Variants in RAD51B observed in about 807,000 individuals in gnomAD.
The protein encoded by RAD51B is RAD51 paralog B.
Under a neutral mutation model 42.2 loss-of-function variants are expected in RAD51B, and 38 were observed. The observed-to-expected ratio is 0.90, with a 90% CI of 0.70 to 1.18. The LOEUF is 1.18. RAD51B is among the 50% of genes most tolerant of loss of function. The pLI is 0.00. For missense variants in RAD51B, 373 were observed against 400.7 expected, an observed-to-expected ratio of 0.93 and a Z score of 0.59; for synonymous variants, 154 against 145.2, an observed-to-expected ratio of 1.06 and a Z score of -0.43.
At chr14:68,191,969 C>T (rs1414453207) in intron 7 of RAD51B, among the ~76,000 whole-genome samples, 1 of 152,126 alleles carries the variant, frequency 6.6e-6, no homozygotes, top group Non-Finnish European at 1.5e-5. Context: ...TACTCAGATA[C>T]ACTCAGATTC....
chr14:67,962,211 A>G (rs1449646712), intron 7 of RAD51B, among the ~76,000 whole-genome samples: 1 of 152,228 alleles, frequency 6.6e-6, no homozygotes, highest in African/African-American at 2.4e-5. Context: ...TTGGTTAACA[A>G]TGATCTGATA....
chr14:68,103,066 C>T (rs904033355), intron 7 of RAD51B, among the ~76,000 whole-genome samples: 2 of 152,022 alleles, frequency 1.3e-5, no homozygotes, highest in East Asian at 3.9e-4. Flanking sequence ...GGTAACCACC[C>T]CCATGATGCA....
chr14:68,473,370 C>G (rs1392786023), intron 10 of RAD51B, among the ~76,000 whole-genome samples: 1 of 152,178 alleles, frequency 6.6e-6, no homozygotes, highest in Admixed American at 6.5e-5. Context: ...TTGTCTAGGC[C>G]AAGGCGCTCT....
downstream of RAD51B, among the ~76,000 whole-genome samples, chr14:68,614,766 A>G (rs929197087): frequency 6.6e-6 from 1 of 152,236 alleles, no homozygotes; most frequent in African/African-American, 2.4e-5. Flanking sequence ...TCATCAGTTG[A>G]TGCACATTTG....
chr14:68,678,573 G>C (rs7147855), intron 11 of RAD51B, among the ~76,000 whole-genome samples: 30,525 of 151,984 alleles, frequency 0.2, 3,313 homozygotes, highest in African/African-American at 0.26. Flanking sequence ...GAGGAGTGAG[G>C]GCCCTGGGAA....
At chr14:68,243,411 G>C (rs999143632) in intron 7 of RAD51B, among the ~76,000 whole-genome samples, 1 of 152,114 alleles carries the variant, frequency 6.6e-6, no homozygotes, top group Non-Finnish European at 1.5e-5. Flanking sequence ...TTTTGGTTAA[G>C]TCATCCAGCT....
rs549954618 is a variant in RAD51B at position 68,669,250 on chromosome 14, A to G, written c.*11+18394A>G. Reference sequence around the variant, plus strand: ...ATCCCTCCGGAAATAAGCAAAGAAGAGAAGTCTAATTGCAAACAGACTGAA... The same window carrying G: ...ATCCCTCCGGAAATAAGCAAAGAAGGGAAGTCTAATTGCAAACAGACTGAA... On this transcript the variant is annotated intron_variant, in intron 11 of 11. Transcript: ENST00000488612. 1.6e-4 allele frequency among the ~76,000 whole-genome samples: 25 copies of G among 152,370 alleles called. 1 individual carries two copies. In the South Asian group the frequency reaches 4.8e-3, roughly 29 times the overall value.
At chr14:68,672,123 G>A (rs757275548) in intron 11 of RAD51B, among the ~76,000 whole-genome samples, 2 of 152,208 alleles carry the variant, frequency 1.3e-5, no homozygotes, top group Non-Finnish European at 2.9e-5. Context: ...GTGAGTCCCA[G>A]AGGCTAATAT....
At chr14:68,328,717 C>T (rs1208511917) in intron 8 of RAD51B, among the ~76,000 whole-genome samples, 1 of 152,144 alleles carries the variant, frequency 6.6e-6, no homozygotes, top group Non-Finnish European at 1.5e-5. Context: ...AATATGTAAC[C>T]GAAGCTGAGC....
intron 7 of RAD51B, among the ~76,000 whole-genome samples, chr14:67,998,487 G>T (rs2075424331): frequency 6.6e-6 from 1 of 152,128 alleles, no homozygotes; most frequent in African/African-American, 2.4e-5. Flanking sequence ...TTTTGTAAAT[G>T]GATATATCAC....
At chr14:67,842,427 G>A (rs1263384085) in intron 4 of RAD51B, among the ~76,000 whole-genome samples, 1 of 152,094 alleles carries the variant, frequency 6.6e-6, no homozygotes, top group African/African-American at 2.4e-5. Context: ...CGCCTAGGCT[G>A]GAGTGCAGTG....
At chr14:68,369,655 G>A (rs7154430) in intron 8 of RAD51B, among the ~76,000 whole-genome samples, 22 of 152,088 alleles carry the variant, frequency 1.4e-4, no homozygotes, top group Non-Finnish European at 2.9e-4. Context: ...TTTCCCTATC[G>A]ATACTTCATA....
chr14:67,997,770 C>T (rs567611430), intron 7 of RAD51B, among the ~76,000 whole-genome samples: 33 of 152,288 alleles, frequency 2.2e-4, no homozygotes, highest in African/African-American at 7.7e-4. Context: ...TTCCACAGAT[C>T]AGCGAATCTT....
intron 7 of RAD51B, among the ~76,000 whole-genome samples, chr14:68,111,767 G>A (rs565579376): frequency 1.2e-3 from 180 of 152,204 alleles, no homozygotes; most frequent in African/African-American, 4.1e-3. Context: ...TGAAATGGCT[G>A]TCAGCAAGAA....
intron 4 of RAD51B, among the ~76,000 whole-genome samples, chr14:67,849,057 G>C (rs180873657): frequency 9.2e-5 from 14 of 152,128 alleles, no homozygotes; most frequent in Non-Finnish European, 1.5e-4. Context: ...GTGTGCCTTT[G>C]GGATGGCCAT....
chr14:68,442,063 G>A (rs2085310561), intron 9 of RAD51B, among the ~76,000 whole-genome samples: 1 of 152,098 alleles, frequency 6.6e-6, no homozygotes, highest in South Asian at 2.1e-4. Context: ...TTTGGGGGTG[G>A]GTCTAGAAAT....
chr14:68,001,020 ATAT>A (rs1044847144), intron 7 of RAD51B, among the ~76,000 whole-genome samples: 1 of 152,126 alleles, frequency 6.6e-6, no homozygotes, highest in Admixed American at 6.6e-5. Context: ...GTATTCTATA[ATAT>A]TATAGACTTT....
At chr14:68,621,095 C>T (rs181972358) in intron 10 of RAD51B, among the ~76,000 whole-genome samples, 1 of 152,216 alleles carries the variant, frequency 6.6e-6, no homozygotes, top group East Asian at 1.9e-4. Flanking sequence ...GATTCTCTCA[C>T]TTCTCACTTA....
chr14:68,223,992 T>C (rs1352266605), intron 7 of RAD51B, among the ~76,000 whole-genome samples: 1 of 152,200 alleles, frequency 6.6e-6, no homozygotes, highest in East Asian at 1.9e-4. Context: ...CCATGTTTTT[T>C]TGTTGTTCTT....
Sources: gnomAD v4.1 joint callset for allele counts (sites outside exome capture counted in the v4.1 genomes callset) on GRCh38, gnomAD v4.1.1 for gene constraint, MANE v1.5 for transcripts, NCBI Gene and HGNC (gene_info 2026-07-23, HGNC 2026-07-21) for gene names.